Variants in SLC4A7 observed in about 807,000 individuals in gnomAD.
The protein encoded by SLC4A7 is solute carrier family 4 member 7.
SLC4A7 carries 51 observed loss-of-function variants against 137.6 expected under a neutral mutation model. The observed-to-expected ratio is 0.37, with a 90% CI of 0.30 to 0.47. The LOEUF (loss-of-function observed/expected upper bound fraction) is 0.47. Ranked by LOEUF, SLC4A7 falls within the 20% of genes least tolerant of loss-of-function variation. The pLI is 1.00. For synonymous variants in SLC4A7, 542 were observed against 518.6 expected (o/e 1.05, Z -0.61); for missense variants, 1,247 against 1,525.4 (o/e 0.82, Z 3.04).
intron 15 of SLC4A7, among the ~76,000 whole-genome samples, chr3:27,402,911 T>G (rs1380107685): frequency 6.6e-6 from 1 of 151,930 alleles, no homozygotes; most frequent in Non-Finnish European, 1.5e-5. Flanking sequence ...CATACACATG[T>G]GAATAAGCTA....
chr3:27,406,484 T>TA (rs2053373380), intron 13 of SLC4A7, among the ~76,000 whole-genome samples: 1 of 152,244 alleles, frequency 6.6e-6, no homozygotes, highest in Admixed American at 6.5e-5. Flanking sequence ...GTGTCCGTGT[T>TA]AATGACACAT....
intron 22 of SLC4A7, among the ~76,000 whole-genome samples, chr3:27,389,569 T>C (rs1178433724): frequency 6.6e-6 from 1 of 152,176 alleles, no homozygotes; most frequent in Non-Finnish European, 1.5e-5. Context: ...CATCTGTCAA[T>C]TTCTGAAAAA....
At chr3:27,414,074 G>A (rs2054157916) in intron 11 of SLC4A7, among the ~76,000 whole-genome samples, 1 of 152,184 alleles carries the variant, frequency 6.6e-6, no homozygotes, top group Non-Finnish European at 1.5e-5. Flanking sequence ...GAGGTCAGGA[G>A]TTCAAGACCA....
intron 3 of SLC4A7, among the ~76,000 whole-genome samples, chr3:27,443,880 C>A (rs901195779): frequency 4.6e-5 from 7 of 152,166 alleles, no homozygotes; most frequent in African/African-American, 1.7e-4. Context: ...GTATTTTCTT[C>A]AATTTCCAAA....
intron 20 of SLC4A7, 64 bp downstream of exon 20, chr3:27,394,454 G>C (rs909012653): frequency 3.6e-5 from 50 of 1,381,848 alleles, no homozygotes; most frequent in Admixed American, 8.2e-5. Flanking sequence ...AATGTTTCAT[G>C]TTCACATAAC....
intron 3 of SLC4A7, among the ~76,000 whole-genome samples, chr3:27,444,989 TC>T (rs1346329301): frequency 6.6e-6 from 1 of 152,324 alleles, no homozygotes; most frequent in African/African-American, 2.4e-5. Context: ...CAAAGCAGAT[TC>T]ACTGCAGTCT....
intron 13 of SLC4A7, among the ~76,000 whole-genome samples, chr3:27,406,136 G>A (rs955030036): frequency 1.3e-5 from 2 of 152,186 alleles, no homozygotes; most frequent in African/African-American, 4.8e-5. Context: ...GAGGGCTTCC[G>A]AAACTAGATT....
intron 7 of SLC4A7, among the ~76,000 whole-genome samples, chr3:27,424,882 A>T (rs2055389798): frequency 6.6e-6 from 1 of 152,226 alleles, no homozygotes. Flanking sequence ...AGACAAACTC[A>T]TAAAAATAGC....
intron 20 of SLC4A7, among the ~76,000 whole-genome samples, chr3:27,393,783 T>C (rs910452501): frequency 2.0e-5 from 3 of 152,054 alleles, no homozygotes; most frequent in Admixed American, 6.6e-5. Context: ...AAAATGTAAA[T>C]GTTAATAACG....
intron 22 of SLC4A7, among the ~76,000 whole-genome samples, chr3:27,388,756 A>G (rs2051230854): frequency 6.6e-6 from 1 of 152,178 alleles, no homozygotes; most frequent in African/African-American, 2.4e-5. Context: ...ATTAAGTAAA[A>G]TAATGTCAAA....
intron 11 of SLC4A7, among the ~76,000 whole-genome samples, chr3:27,417,227 G>A (rs1365967940): frequency 6.6e-6 from 1 of 152,094 alleles, no homozygotes; most frequent in Non-Finnish European, 1.5e-5. Context: ...CAACCAAGGG[G>A]AGCAATGTTT....
chr3:27,374,631 T>C lies in SLC4A7; in HGVS notation c.*2133A>G, dbSNP rs1196863154. 6.6e-6 allele frequency: 1 copy of C among 152,430 alleles called. No homozygotes were observed. The highest frequency in any genetic ancestry group is 1.9e-4 in the East Asian group (1 of 5,194). 9.4% of individuals were successfully genotyped at this position (152,430 alleles called of 1,614,324 possible). On this transcript the variant is annotated 3_prime_UTR_variant, in exon 26 of 26. Coordinates refer to ENST00000454389, the MANE Select transcript of SLC4A7 (RefSeq NM_001321103.2). ...ACATTTAGAAGCATTGTAAAAACAT[T>C]TTGAGTGCAAAGTATTTTGCAAGTG... is the stretch of plus-strand genomic sequence containing the variant.
intron 24 of SLC4A7, among the ~76,000 whole-genome samples, chr3:27,380,042 C>T (rs537623308): frequency 1.8e-3 from 268 of 152,306 alleles, no homozygotes; most frequent in African/African-American, 6.1e-3. Context: ...GGCATGGTGG[C>T]TCACGCCTAT....
chr3:27,432,401 T>G (rs1215645571), intron 6 of SLC4A7, among the ~76,000 whole-genome samples: 1 of 152,330 alleles, frequency 6.6e-6, no homozygotes, highest in East Asian at 1.9e-4. Context: ...ATATAATTTT[T>G]TATTTCACTA....
At chr3:27,419,538 G>A (rs567701296) in intron 10 of SLC4A7, among the ~76,000 whole-genome samples, 3 of 151,260 alleles carry the variant, frequency 2.0e-5, no homozygotes, top group South Asian at 2.1e-4. Flanking sequence ...GTTTCACCAC[G>A]TAGGCCAGGC....
At chr3:27,393,133 A>G (rs528056542) in intron 20 of SLC4A7, among the ~76,000 whole-genome samples, 4 of 152,304 alleles carry the variant, frequency 2.6e-5, no homozygotes, top group Non-Finnish European at 5.9e-5. Flanking sequence ...AGCAGAAGGC[A>G]CAGGTTTCTC....
chr3:27,392,307 A>G (rs1365565928), intron 20 of SLC4A7, among the ~76,000 whole-genome samples: 1 of 152,172 alleles, frequency 6.6e-6, no homozygotes, highest in Non-Finnish European at 1.5e-5. Flanking sequence ...GATGATCCCA[A>G]ACTGTCTACA....
chr3:27,406,075 G>C (rs538053623), intron 13 of SLC4A7, among the ~76,000 whole-genome samples: 3 of 152,162 alleles, frequency 2.0e-5, no homozygotes, highest in Non-Finnish European at 4.4e-5. Context: ...AAAGAAGCTC[G>C]TAAGAAACAA....
At position 27,422,365 on chromosome 3, in the gene SLC4A7, T is replaced by C. The variant is rs573248191; in HGVS notation, c.1267-586A>G. 5.9e-5 allele frequency among the ~76,000 whole-genome samples: 9 copies of C among 152,242 alleles called. No individual in the cohort carries two copies. In the East Asian group the frequency reaches 1.7e-3, roughly 29 times the overall value. On this transcript the variant is annotated intron_variant, in intron 8 of 25. Transcript: ENST00000454389. ...CACTGTAAACCTCAAAATCCTGGAC[T>C]TAAGCAATCCTTGCACCTTGGCCTC... is the stretch of plus-strand genomic sequence containing the variant.
Sources: gnomAD v4.1 joint callset for allele counts (sites outside exome capture counted in the v4.1 genomes callset) on GRCh38, gnomAD v4.1.1 for gene constraint, MANE v1.5 for transcripts, NCBI Gene and HGNC (gene_info 2026-07-23, HGNC 2026-07-21) for gene names.